The following LINGO2 variants were observed in gnomAD, a reference collection of about 807,000 sequenced individuals.
LINGO2 encodes the protein leucine-rich repeat and immunoglobulin-like domain-containing nogo receptor-interacting protein 2.
A neutral mutation model predicts 30.6 loss-of-function variants in LINGO2; 14 were observed. The observed-to-expected ratio is 0.46, with a 90% CI of 0.30 to 0.72. The LOEUF (loss-of-function observed/expected upper bound fraction) is 0.72. Ranked by LOEUF, LINGO2 falls within the 30% of genes least tolerant of loss-of-function variation. The pLI, the probability that LINGO2 is intolerant of heterozygous loss-of-function variation, is 0.07. For synonymous variants in LINGO2, 317 were observed against 288.5 expected (o/e 1.10, Z -1.00); for missense variants, 729 against 751.7 (o/e 0.97, Z 0.35).
the LINGO2 span, among the ~76,000 whole-genome samples, chr9:28,790,367 G>C: frequency 1.1e-4 from 13 of 118,604 alleles, no homozygotes; most frequent in Admixed American, 2.1e-4. Flanking sequence ...CTCGCTCTGT[G>C]GCCCAGGCTG....
the LINGO2 span, among the ~76,000 whole-genome samples, chr9:29,067,747 A>T: frequency 9.2e-5 from 12 of 130,660 alleles, no homozygotes; most frequent in African/African-American, 2.6e-4. Flanking sequence ...AACAAGGAGT[A>T]TTTAAATGAA....
chr9:28,535,206 C>T (rs185280159), intron 1 of LINGO2, among the ~76,000 whole-genome samples: 2 of 152,200 alleles, frequency 1.3e-5, no homozygotes, highest in Non-Finnish European at 2.9e-5. Context: ...CATATTTATA[C>T]AATGGATTAC....
At chr9:28,839,744 C>T in the LINGO2 span, among the ~76,000 whole-genome samples, 9 of 152,140 alleles carry the variant, frequency 5.9e-5, no homozygotes, top group Non-Finnish European at 1.2e-4. Context: ...GGTCTGCGTA[C>T]GTGGCAGTCC....
chr9:27,995,671 T>TA (rs1313205488), intron 5 of LINGO2, among the ~76,000 whole-genome samples: 1 of 152,190 alleles, frequency 6.6e-6, no homozygotes, highest in Non-Finnish European at 1.5e-5. Flanking sequence ...CACTGCATGG[T>TA]AAAAACTTTC....
chr9:28,616,630 T>C (rs1406468742), intron 1 of LINGO2, among the ~76,000 whole-genome samples: 2 of 152,234 alleles, frequency 1.3e-5, no homozygotes, highest in Non-Finnish European at 2.9e-5. Flanking sequence ...TGTATTTCCC[T>C]GCCCTGATTA....
At chr9:28,989,137 T>A in the LINGO2 span, among the ~76,000 whole-genome samples, 1 of 152,192 alleles carries the variant, frequency 6.6e-6, no homozygotes, top group South Asian at 2.1e-4. Flanking sequence ...CACCAGTACC[T>A]TCAAAGGACA....
At chr9:28,965,359 T>C in the LINGO2 span, among the ~76,000 whole-genome samples, 4 of 151,966 alleles carry the variant, frequency 2.6e-5, no homozygotes, top group African/African-American at 7.2e-5. Flanking sequence ...AGGAAACAAA[T>C]ACTAGGATTT....
chr9:29,055,235 G>C, the LINGO2 span, among the ~76,000 whole-genome samples: 4 of 80,844 alleles, frequency 4.9e-5, no homozygotes, highest in Admixed American at 1.2e-4. Context: ...AACAACAAAA[G>C]TACAATGTAT....
chr9:28,791,286 AG>A, the LINGO2 span, among the ~76,000 whole-genome samples: 1 of 152,104 alleles, frequency 6.6e-6, no homozygotes, highest in Non-Finnish European at 1.5e-5. Flanking sequence ...TTCTGGCTCT[AG>A]GATTTAAATA....
intron 3 of LINGO2, among the ~76,000 whole-genome samples, chr9:28,324,390 A>G (rs1380814135): frequency 1.3e-5 from 2 of 152,252 alleles, no homozygotes; most frequent in Non-Finnish European, 2.9e-5. Context: ...TCCATCTTGA[A>G]TAAGGGCTGG....
intron 1 of LINGO2, among the ~76,000 whole-genome samples, chr9:28,597,003 T>C (rs1825215506): frequency 6.6e-6 from 1 of 152,178 alleles, no homozygotes; most frequent in South Asian, 2.1e-4. Flanking sequence ...ACTGGCAAGA[T>C]GCAAAGGTAT....
At chr9:28,055,762 G>C in intron 4 of LINGO2, among the ~76,000 whole-genome samples, 1 of 152,170 alleles carries the variant, frequency 6.6e-6, no homozygotes, top group East Asian at 1.9e-4. Flanking sequence ...GGAAGTTTAA[G>C]TAGTTCAAAT....
intron 4 of LINGO2, among the ~76,000 whole-genome samples, chr9:28,281,747 G>A (rs1823334532): frequency 6.6e-6 from 1 of 151,370 alleles, no homozygotes; most frequent in East Asian, 1.9e-4. Flanking sequence ...CTGTCCTAAG[G>A]CTAATCTGGC....
the LINGO2 span, among the ~76,000 whole-genome samples, chr9:29,077,845 T>C: frequency 4.6e-5 from 7 of 151,742 alleles, no homozygotes; most frequent in Non-Finnish European, 8.8e-5. Context: ...CTAACCTAGA[T>C]ATAAATATAA....
chr9:28,375,129 CA>C (rs1564159224), intron 2 of LINGO2, among the ~76,000 whole-genome samples: 3 of 113,536 alleles, frequency 2.6e-5, no homozygotes, highest in Admixed American at 8.6e-5. Flanking sequence ...CACACACACA[CA>C]CACATACACC....
chr9:28,084,288 A>G (rs1399907327), intron 4 of LINGO2, among the ~76,000 whole-genome samples: 1 of 152,176 alleles, frequency 6.6e-6, no homozygotes, highest in African/African-American at 2.4e-5. Flanking sequence ...AAAACAATTT[A>G]AAAGTATCAG....
At chr9:29,191,065 A>T in the LINGO2 span, among the ~76,000 whole-genome samples, 1 of 152,190 alleles carries the variant, frequency 6.6e-6, no homozygotes, top group Non-Finnish European at 1.5e-5. Context: ...GAAAAAATCC[A>T]CTAGACCACG....
At chr9:28,594,814 A>G (rs1230903230) in intron 1 of LINGO2, among the ~76,000 whole-genome samples, 1 of 152,086 alleles carries the variant, frequency 6.6e-6, no homozygotes, top group Non-Finnish European at 1.5e-5. Context: ...AAAACTGTCC[A>G]AGAAATAGAT....
At chr9:28,306,000 G>C (rs971993500) in intron 3 of LINGO2, among the ~76,000 whole-genome samples, 3 of 151,988 alleles carry the variant, frequency 2.0e-5, no homozygotes, top group African/African-American at 7.2e-5. Flanking sequence ...ACTGCCTAAT[G>C]ATAATTATAT....
Sources: allele counts gnomAD v4.1 joint callset (sites outside exome capture counted in the v4.1 genomes callset), GRCh38; gene constraint gnomAD v4.1.1; transcripts MANE v1.5; gene names NCBI Gene and HGNC (gene_info 2026-07-23, HGNC 2026-07-21).